GRM4: variants seen among roughly 807,000 people sequenced by gnomAD.
GRM4 encodes the protein metabotropic glutamate receptor 4.
A neutral mutation model predicts 81.7 loss-of-function variants in GRM4; 28 were observed. That is an observed-to-expected ratio of 0.34 (90% CI 0.25 to 0.47). The LOEUF (loss-of-function observed/expected upper bound fraction) is 0.47. Among genes scored for constraint, GRM4 ranks in the 20% least tolerant of loss-of-function variants. GRM4 has a pLI of 1.00. For missense variants in GRM4, 948 were observed against 1,290.0 expected, an observed-to-expected ratio of 0.73 and a Z score of 4.06; for synonymous variants, 488 against 528.8, an observed-to-expected ratio of 0.92 and a Z score of 1.06.
At position 34,034,315 on chromosome 6, in the gene GRM4, TGTCTCCTC is replaced by T. The variant is rs1371346656; in HGVS notation, c.2442+1345_2442+1352del. 6.6e-6 allele frequency among the ~76,000 whole-genome samples: 1 copy of T among 152,174 alleles called. No homozygotes were observed. The highest frequency in any genetic ancestry group is 1.5e-5 in the Non-Finnish European group (1 of 68,032). On this transcript the variant is annotated intron_variant, in intron 9 of 10. Transcript: ENST00000538487. This position sits in a 1 kb window ranked among gnomAD's most constrained non-coding sequence, Gnocchi z 4.0. ...AGCATGGTGTCCTCCTTGACTCGAC[TGTCTCCTC>T]GTCTCCCACCCAACGTGCCATCCAT... is the stretch of plus-strand genomic sequence containing the variant.
In GRM4 at chr6:34,036,458, T is replaced by C; in HGVS notation, c.1652A>G (p.Gln551Arg). 6.2e-7 allele frequency: 1 copy of C among 1,613,544 alleles called. No homozygotes were observed. The highest frequency in any genetic ancestry group is 2.2e-5 in the East Asian group (1 of 44,888). Residue 551 changes from glutamine (Q) to arginine (R), a missense_variant, in exon 9 of 11, where the codon CAG becomes CGG. Transcript: ENST00000538487. The surrounding 1 kb of genome is among the most constrained non-coding windows in gnomAD (Gnocchi z 9.0). ...HCEPCTGYQY[Q>R]VDRYTCKTCP... ...CGTCTTACAGGTGTAGCGGTCCACC[T>C]GGTACTGGTACCCTGTGCAAGGCTC...
At position 34,131,250 on chromosome 6, in the gene GRM4, G is replaced by A. The variant is rs150617842; in HGVS notation, c.519+1728C>T. 2.8e-3 allele frequency among the ~76,000 whole-genome samples: 427 copies of A among 152,294 alleles called. 2 individuals carry two copies. The highest frequency in any genetic ancestry group is 9.8e-3 in the African/African-American group (406 of 41,548). On this transcript the variant is annotated intron_variant, in intron 2 of 10. Coordinates refer to ENST00000538487, the MANE Select transcript of GRM4 (RefSeq NM_000841.4). ...CCGGGGATTGTTCCAGCTGCCTACC[G>A]CGAGGGCAGAAATGTTTTCAAGTTT... is the stretch of plus-strand genomic sequence containing the variant.
At chr6:34,083,064 A>T (rs140997679) in intron 3 of GRM4, among the ~76,000 whole-genome samples, 1 of 152,352 alleles carries the variant, frequency 6.6e-6, no homozygotes, top group East Asian at 1.9e-4. Flanking sequence ...GCTTCCTGTC[A>T]GGAGGGAAGA....
chr6:34,059,384 C>T lies in GRM4; in HGVS notation c.873-256G>A, dbSNP rs1766070526. On this transcript the variant is annotated intron_variant, in intron 4 of 10. Coordinates refer to ENST00000538487, the MANE Select transcript of GRM4 (RefSeq NM_000841.4). The surrounding 1 kb of genome is among the most constrained non-coding windows in gnomAD (Gnocchi z 5.7). ...CGCCTGCTGCAGGCCCAGCGTGATT[C>T]TCCAGGCCTACATCTGTCCCTGCAA... 2 of 537,186 alleles carry T rather than the reference C, an allele frequency of 3.7e-6. No individual in the cohort carries two copies. Among genetic ancestry groups the T allele is most frequent in the East Asian group, 6.4e-5 (2 of 31,386 alleles). The allele number at this position is 537,186 out of a possible 1,614,324, so 33.3% of individuals were successfully genotyped here.
Position 34,036,709 on chromosome 6 carries a change from G to A in GRM4, c.1507-106C>T, listed in dbSNP as rs2127443705. On this transcript the variant is annotated intron_variant, in intron 8 of 10. Coordinates refer to ENST00000538487, the MANE Select transcript of GRM4 (RefSeq NM_000841.4). The surrounding 1 kb of genome is among the most constrained non-coding windows in gnomAD (Gnocchi z 9.0). ...TGTAGCCCCACACTCAAATCACCCA[G>A]CTAGTTGGCTAAAAGTCCAGCTGCC... 1.6e-6 allele frequency: 1 copy of A among 640,746 alleles called. No homozygotes were observed. Among genetic ancestry groups the A allele is most frequent in the East Asian group, 2.7e-5 (1 of 36,602 alleles). 39.7% of individuals were successfully genotyped at this position (640,746 alleles called of 1,614,324 possible).
At chr6:34,135,656 T>C (rs955711746) in intron 1 of GRM4, among the ~76,000 whole-genome samples, 2 of 152,226 alleles carry the variant, frequency 1.3e-5, no homozygotes, top group Admixed American at 6.5e-5. Context: ...GCTGCACCTG[T>C]ATGGAGCTGT....
chr6:34,093,292 G>C (rs1283323870), intron 2 of GRM4, among the ~76,000 whole-genome samples: 1 of 152,194 alleles, frequency 6.6e-6, no homozygotes, highest in Admixed American at 6.5e-5. Context: ...TATCCCTGGG[G>C]CCACCCCCCA....
intron 2 of GRM4, among the ~76,000 whole-genome samples, chr6:34,103,258 C>G (rs544076472): frequency 2.0e-5 from 3 of 152,244 alleles, no homozygotes; most frequent in Non-Finnish European, 2.9e-5. Context: ...AGGCAACAGG[C>G]CTTTGGACAA....
intron 6 of GRM4, among the ~76,000 whole-genome samples, chr6:34,044,277 T>TACACACACACAC (rs764242535): frequency 3.0e-5 from 3 of 99,308 alleles, no homozygotes; most frequent in Non-Finnish European, 4.5e-5. Flanking sequence ...CATATACACA[T>TACACACACACAC]ACACACACAC....
intron 9 of GRM4, among the ~76,000 whole-genome samples, chr6:34,032,686 C>T (rs1370119697): frequency 6.6e-6 from 1 of 152,198 alleles, no homozygotes; most frequent in African/African-American, 2.4e-5. Context: ...CCTTCATAAT[C>T]AGGGCTGGCT....
intron 3 of GRM4, among the ~76,000 whole-genome samples, chr6:34,087,462 T>C (rs1341800927): frequency 6.6e-6 from 1 of 150,546 alleles, no homozygotes; most frequent in Admixed American, 6.6e-5. Flanking sequence ...CCCACGTCTG[T>C]GCCACCCGCT....
intron 2 of GRM4, among the ~76,000 whole-genome samples, chr6:34,120,075 C>T (rs1422970684): frequency 6.6e-6 from 1 of 152,152 alleles, no homozygotes; most frequent in African/African-American, 2.4e-5. Context: ...ATGTATGATG[C>T]ATTCAAACAG....
Position 34,022,723 on chromosome 6 carries a change from G to T in GRM4, c.*98C>A. The T allele has an allele frequency of 1.8e-6, 2 of 1,102,622 alleles. No homozygotes were observed. The highest frequency in any genetic ancestry group is 2.8e-6 in the Non-Finnish European group (2 of 721,014). The allele number at this position is 1,102,622 out of a possible 1,614,324, so 68.3% of individuals were successfully genotyped here. A position where few individuals can be genotyped will look rare whatever the true frequency, so the allele number is the denominator to read the frequency against. Reference sequence around the variant, plus strand: ...CAAGCCACGTCCGTGGGTGCCCACGGGCAGGCAAGACAGCTGGGCCCTTGG... The same window carrying T: ...CAAGCCACGTCCGTGGGTGCCCACGTGCAGGCAAGACAGCTGGGCCCTTGG... On this transcript the variant is annotated 3_prime_UTR_variant, in exon 11 of 11. Transcript: ENST00000538487. The surrounding 1 kb of genome is among the most constrained non-coding windows in gnomAD (Gnocchi z 5.6).
Position 34,130,517 on chromosome 6 carries a change from C to T in GRM4, c.519+2461G>A, listed in dbSNP as rs894866765. Among the ~76,000 whole-genome samples the T allele has an allele frequency of 2.0e-5, 3 of 152,216 alleles. No homozygotes were observed. Among genetic ancestry groups the T allele is most frequent in the Non-Finnish European group, 1.5e-5 (1 of 68,040 alleles). ...GAACCCCCAGGATGGTAAGGCTCTT[C>T]ACCCCAGGCCCCTCACCCCACCCTG... On this transcript the variant is annotated intron_variant, in intron 2 of 10. Transcript: ENST00000538487. The surrounding 1 kb of genome is among the most constrained non-coding windows in gnomAD (Gnocchi z 4.1).
rs559703264 is a variant in GRM4, at chr6:34,152,254, G to A, written c.312+2825C>T. 1.6e-4 allele frequency among the ~76,000 whole-genome samples: 25 copies of A among 152,298 alleles called. No individual in the cohort carries two copies. Among genetic ancestry groups the A allele is most frequent in the Middle Eastern group, 6.8e-3 (2 of 294 alleles). ...GACGTAGGCCCCGGGACCTCCCACC[G>A]GCAGAGCCTGGAGGAGCCCGCATCC... On this transcript the variant is annotated intron_variant, in intron 1 of 8. Coordinates refer to the GRM4 transcript ENST00000374177. The surrounding 1 kb of genome is among the most constrained non-coding windows in gnomAD (Gnocchi z 4.1).
At chr6:34,104,400 C>A (rs1479764872) in intron 2 of GRM4, among the ~76,000 whole-genome samples, 1 of 152,220 alleles carries the variant, frequency 6.6e-6, no homozygotes, top group African/African-American at 2.4e-5. Flanking sequence ...GGCTAACGAG[C>A]ACCTACTCTG....
At position 34,042,898 on chromosome 6, in the gene GRM4, G is replaced by A. The variant is rs1765084953; in HGVS notation, c.1169-2150C>T. On this transcript the variant is annotated intron_variant, in intron 6 of 10. Coordinates refer to ENST00000538487, the MANE Select transcript of GRM4 (RefSeq NM_000841.4). The surrounding 1 kb of genome is among the most constrained non-coding windows in gnomAD (Gnocchi z 4.2). ...CACACCCACACAAGGATGTGGGGAT[G>A]GGGGATAGCTGGCCTGGTCGCTCAT... 6.6e-6 allele frequency among the ~76,000 whole-genome samples: 1 copy of A among 152,178 alleles called. No individual in the cohort carries two copies. Among genetic ancestry groups the A allele is most frequent in the Non-Finnish European group, 1.5e-5 (1 of 68,024 alleles).
chr6:34,073,346 C>A (rs1328935137), intron 3 of GRM4, among the ~76,000 whole-genome samples: 1 of 130,272 alleles, frequency 7.7e-6, no homozygotes, highest in Non-Finnish European at 1.7e-5. Context: ...CACACTTCAC[C>A]AGATTCACAC....
chr6:34,120,897 A>G (rs534671055), intron 2 of GRM4, among the ~76,000 whole-genome samples: 1 of 152,208 alleles, frequency 6.6e-6, no homozygotes, highest in Non-Finnish European at 1.5e-5. Flanking sequence ...CCCAGCCTGC[A>G]AAGTTTTCTT....
Sources: allele counts gnomAD v4.1 joint callset (sites outside exome capture counted in the v4.1 genomes callset), GRCh38; gene constraint gnomAD v4.1.1; non-coding constraint Gnocchi (gnomAD v3.1); transcripts MANE v1.5; gene names NCBI Gene and HGNC (gene_info 2026-07-23, HGNC 2026-07-21).